FAM86B2: variants seen among roughly 807,000 people sequenced by gnomAD.
FAM86B2 encodes putative protein N-methyltransferase FAM86B2.
FAM86B2 carries 1 observed loss-of-function variant against 26.5 expected under a neutral mutation model. That is an observed-to-expected ratio of 0.04 (90% confidence interval 0.01 to 0.18). The LOEUF (loss-of-function observed/expected upper bound fraction) is 0.18, where lower values mean the gene tolerates loss of function less well. Among genes scored for constraint, FAM86B2 ranks in the 10% least tolerant of loss-of-function variants. The pLI is 1.00. For synonymous variants in FAM86B2, 11 were observed against 127.8 expected (o/e 0.09, Z 6.17); for missense variants, 43 against 303.5 (o/e 0.14, Z 6.38).
At chr8:12,434,651 C>CT (rs1220871474) in intron 1 of FAM86B2, among the ~76,000 whole-genome samples, 1 of 138,652 alleles carries the variant, frequency 7.2e-6, no homozygotes, top group Non-Finnish European at 1.6e-5. Context: ...CCTCTCTGGC[C>CT]TGTTCTCCCT....
rs1348046155 is a variant in FAM86B2 at position 12,424,674 on chromosome 8, G to A, written c.*1215C>T. Among the ~76,000 whole-genome samples the A allele has an allele frequency of 7.5e-5, 10 of 133,616 alleles. No homozygotes were observed. Among genetic ancestry groups the A allele is most frequent in the African/African-American group, 2.3e-4 (9 of 38,824 alleles). The allele number at this position is 133,616 out of a possible 152,430, so 87.7% of individuals were successfully genotyped here. On this transcript the variant is annotated 3_prime_UTR_variant, in exon 8 of 8. Transcript: ENST00000262365. The stretch of plus-strand genomic sequence containing the variant: ...CAAGTGTGGGAAAGTGGGACATACG[G>A]GGAAGTTTCCAGAAAGCATGATGTC...
chr8:12,427,170 ATGT>A (rs1424426777), intron 7 of FAM86B2, among the ~76,000 whole-genome samples: 375 of 31,008 alleles, frequency 0.012, 2 homozygotes, highest in Non-Finnish European at 0.018. Context: ...GGGTTGACAA[ATGT>A]CAGGTCTGAG....
chr8:12,432,813 G>A (rs1798282565), intron 2 of FAM86B2, among the ~76,000 whole-genome samples: 1 of 150,696 alleles, frequency 6.6e-6, no homozygotes, highest in Non-Finnish European at 1.5e-5. Context: ...TCTGCCCAAG[G>A]GCAGCAAAGT....
intron 1 of FAM86B2, among the ~76,000 whole-genome samples, chr8:12,434,855 C>T (rs1349417127): frequency 1.3e-5 from 2 of 150,942 alleles, no homozygotes; most frequent in South Asian, 4.2e-4. Flanking sequence ...TCCCTGATTC[C>T]CTGACTTTGG....
At chr8:12,434,160 A>ATGGC in intron 1 of FAM86B2, 46 bp from the exon 2 acceptor site, 1 of 1,353,402 alleles carries the variant, frequency 7.4e-7, no homozygotes, top group Non-Finnish European at 1.0e-6. Context: ...CATTCACAGG[A>ATGGC]ACATTAAACA....
chr8:12,428,689 TC>T lies in FAM86B2; in HGVS notation c.685del (p.Asp229ThrfsTer2), dbSNP rs1411751786. On this transcript the variant is annotated frameshift_variant, in exon 6 of 8. Coordinates refer to ENST00000262365, the MANE Select transcript of FAM86B2 (RefSeq NM_001137610.3). LOFTEE classifies it high-confidence loss of function. ...AGAGAGCTGATGGACCATTGCTACG[TC>T]CCAGTCCAGCTGGGCCACTGTCACC... ...PRVTVAQLDW[D>X]VAMVHQLSAF... 6.8e-7 allele frequency: 1 copy of T among 1,460,402 alleles called. No individual in the cohort carries two copies. The highest frequency in any genetic ancestry group is 1.5e-5 in the African/African-American group (1 of 65,146). 90.5% of individuals were successfully genotyped at this position (1,460,402 alleles called of 1,614,324 possible).
At chr8:12,435,598 A>C (rs907519303) in intron 1 of FAM86B2, among the ~76,000 whole-genome samples, 1 of 137,794 alleles carries the variant, frequency 7.3e-6, no homozygotes, top group Admixed American at 7.0e-5. Flanking sequence ...TATATATCCC[A>C]ACTGACTCAT....
intron 7 of FAM86B2, among the ~76,000 whole-genome samples, chr8:12,426,480 T>C: frequency 1.5e-5 from 1 of 68,294 alleles, no homozygotes; most frequent in Admixed American, 2.2e-4. Flanking sequence ...TTTTTTTTTT[T>C]TTTTTTTTTT....
intron 1 of FAM86B2, among the ~76,000 whole-genome samples, chr8:12,434,615 G>T (rs1798495795): frequency 7.6e-6 from 1 of 131,534 alleles, no homozygotes; most frequent in African/African-American, 2.9e-5. Context: ...GCCATAAAAG[G>T]CCCTACAAGG....
chr8:12,428,233 C>T (rs1220094442), intron 6 of FAM86B2, among the ~76,000 whole-genome samples: 1 of 140,018 alleles, frequency 7.1e-6, no homozygotes, highest in African/African-American at 2.6e-5. Flanking sequence ...AGGCAGAGTT[C>T]TGTTCCACCA....
At chr8:12,429,495 T>C (rs189319613) in intron 4 of FAM86B2, among the ~76,000 whole-genome samples, 2,473 of 88,096 alleles carry the variant, frequency 0.028, 444 homozygotes, top group African/African-American at 0.096. Context: ...TCATTTTTTT[T>C]TTTTTGAGCT....
At chr8:12,426,252 C>A (rs1812626105) in intron 7 of FAM86B2, among the ~76,000 whole-genome samples, 1 of 147,474 alleles carries the variant, frequency 6.8e-6, no homozygotes, top group Non-Finnish European at 1.5e-5. Context: ...CTTGGCACAG[C>A]AGGACAGAAG....
chr8:12,426,355 A>C (rs1388715745), intron 7 of FAM86B2, among the ~76,000 whole-genome samples: 1 of 147,450 alleles, frequency 6.8e-6, no homozygotes, highest in South Asian at 2.2e-4. Flanking sequence ...CTCTGTCTCA[A>C]AAAAAAAAAA....
At chr8:12,426,133 A>T (rs1812613813) in intron 7 of FAM86B2, 144 bp from the exon 8 acceptor site, 1 of 519,598 alleles carries the variant, frequency 1.9e-6, no homozygotes, top group Non-Finnish European at 3.2e-6. Flanking sequence ...GCCCACCCAC[A>T]TACCTAGAAT....
intron 6 of FAM86B2, among the ~76,000 whole-genome samples, chr8:12,428,375 G>A (rs1216276479): frequency 5.3e-5 from 8 of 152,030 alleles, no homozygotes; most frequent in African/African-American, 1.9e-4. Flanking sequence ...AGGACACAGG[G>A]CATGGCTCTG....
At chr8:12,426,391 G>T (rs1451257937) in intron 7 of FAM86B2, among the ~76,000 whole-genome samples, 7 of 144,004 alleles carry the variant, frequency 4.9e-5, no homozygotes, top group Non-Finnish European at 9.0e-5. Flanking sequence ...TATACTATGT[G>T]TGCTGCTTGG....
chr8:12,428,935 C>A, intron 5 of FAM86B2, 37 bp from the exon 6 acceptor site: 1 of 799,860 alleles, frequency 1.3e-6, no homozygotes, highest in Non-Finnish European at 1.8e-6. Context: ...TTCGACTGCA[C>A]CAGGGTAAGC....
chr8:12,424,776 G>A lies in FAM86B2; in HGVS notation c.*1113C>T, dbSNP rs1381200170. Reference sequence around the variant, plus strand: ...GGGAGTTAGGGACTTGGGAGGGGTTGTTGTTGGGTCGGGGACCTGGGGTCA... The same window carrying A: ...GGGAGTTAGGGACTTGGGAGGGGTTATTGTTGGGTCGGGGACCTGGGGTCA... On this transcript the variant is annotated 3_prime_UTR_variant, in exon 8 of 8. Coordinates refer to ENST00000262365, the MANE Select transcript of FAM86B2 (RefSeq NM_001137610.3). 5 of 412,688 alleles carry A rather than the reference G, an allele frequency of 1.2e-5. 2 individuals carry two copies. Among genetic ancestry groups the A allele is most frequent in the Non-Finnish European group, 1.8e-5 (5 of 270,304 alleles). The allele number at this position is 412,688 out of a possible 1,614,324, so 25.6% of individuals were successfully genotyped here. A position where few individuals can be genotyped will look rare whatever the true frequency, so the allele number is the denominator to read the frequency against.
Position 12,426,354 on chromosome 8 carries a change from A to C in FAM86B2, c.893-365T>G, listed in dbSNP as rs1384965923. On this transcript the variant is annotated intron_variant, in intron 7 of 7. Coordinates refer to ENST00000262365, the MANE Select transcript of FAM86B2 (RefSeq NM_001137610.3). The stretch of plus-strand genomic sequence containing the variant: ...GCCGGGCACAGCCAGACTCTGTCTC[A>C]AAAAAAAAAAAAGGTTGGTTGAGGC... 1.4e-5 allele frequency among the ~76,000 whole-genome samples: 2 copies of C among 147,140 alleles called. 1 individual carries two copies. The highest frequency in any genetic ancestry group is 3.0e-5 in the Non-Finnish European group (2 of 66,920).
Sources: allele counts gnomAD v4.1 joint callset (sites outside exome capture counted in the v4.1 genomes callset), GRCh38; gene constraint gnomAD v4.1.1; transcripts MANE v1.5; gene names NCBI Gene and HGNC (gene_info 2026-07-23, HGNC 2026-07-21).